Variants in SHTN1 observed in about 807,000 individuals in gnomAD.
SHTN1 encodes shootin 1.
SHTN1 carries 42 observed loss-of-function variants against 83.1 expected under a neutral mutation model. The ratio of observed to expected loss-of-function variants is 0.51; its 90% CI spans 0.39 to 0.65. SHTN1 has a LOEUF of 0.65. SHTN1 is among the 30% of genes least tolerant of loss of function. SHTN1 has a pLI of 0.00. For missense variants in SHTN1, 622 were observed against 737.8 expected (o/e 0.84, Z 1.82); for synonymous variants, 224 against 247.7 (o/e 0.90, Z 0.90).
At chr10:116,921,801 T>C (rs1848577216) in intron 11 of SHTN1, among the ~76,000 whole-genome samples, 1 of 152,058 alleles carries the variant, frequency 6.6e-6, no homozygotes, top group Non-Finnish European at 1.5e-5. Context: ...TCAATACTCA[T>C]ATATATAAAA....
chr10:117,033,201 T>C (rs1589904263), intron 2 of SHTN1, among the ~76,000 whole-genome samples: 1 of 151,446 alleles, frequency 6.6e-6, no homozygotes, highest in East Asian at 1.9e-4. Context: ...TGAGCAGACA[T>C]AAATGGAATT....
At chr10:116,937,309 C>T (rs1200231844) in intron 9 of SHTN1, among the ~76,000 whole-genome samples, 2 of 152,134 alleles carry the variant, frequency 1.3e-5, no homozygotes, top group East Asian at 3.9e-4. Context: ...CCAGTCTTTC[C>T]TTTCCATGTT....
intron 1 of SHTN1, among the ~76,000 whole-genome samples, chr10:117,066,439 A>G (rs1348181461): frequency 6.6e-6 from 1 of 152,238 alleles, no homozygotes; most frequent in Non-Finnish European, 1.5e-5. Context: ...AAATTGGGAC[A>G]TGGTGATAAC....
At chr10:117,081,790 C>T in intron 1 of SHTN1, among the ~76,000 whole-genome samples, 1 of 149,830 alleles carries the variant, frequency 6.7e-6, no homozygotes, top group Non-Finnish European at 1.5e-5. Context: ...AGGAATTTAT[C>T]CATTTCTTCT....
chr10:117,073,091 T>C (rs925131100), intron 1 of SHTN1, among the ~76,000 whole-genome samples: 6 of 152,112 alleles, frequency 3.9e-5, no homozygotes, highest in South Asian at 2.1e-4. Context: ...AGCAATAGAA[T>C]TGAACAAGTA....
chr10:116,946,865 G>A (rs887273062), intron 7 of SHTN1, among the ~76,000 whole-genome samples: 4 of 151,582 alleles, frequency 2.6e-5, no homozygotes, highest in Non-Finnish European at 5.9e-5. Context: ...TTACAGGCAG[G>A]TGCGTGCCAC....
At chr10:117,119,099 T>C (rs530211448) in intron 1 of SHTN1, among the ~76,000 whole-genome samples, 3 of 152,222 alleles carry the variant, frequency 2.0e-5, no homozygotes, top group Non-Finnish European at 4.4e-5. Flanking sequence ...AAATATCACA[T>C]GTTCTCATTC....
At chr10:117,087,060 A>G (rs1426170814) in intron 1 of SHTN1, among the ~76,000 whole-genome samples, 1 of 152,370 alleles carries the variant, frequency 6.6e-6, no homozygotes, top group East Asian at 1.9e-4. Flanking sequence ...GCAAATTTAT[A>G]GAGATATGAA....
intron 16 of SHTN1, among the ~76,000 whole-genome samples, chr10:116,891,196 G>A (rs559180973): frequency 6.6e-6 from 1 of 152,332 alleles, no homozygotes; most frequent in South Asian, 2.1e-4. Context: ...CTTTTAAGCG[G>A]TGAGAGTTAT....
intron 4 of SHTN1, among the ~76,000 whole-genome samples, chr10:116,958,254 CATAT>C (rs780555723): frequency 6.6e-6 from 1 of 152,110 alleles, no homozygotes; most frequent in Non-Finnish European, 1.5e-5. Context: ...TGAAGTCACA[CATAT>C]AATGAAGTTT....
intron 16 of SHTN1, among the ~76,000 whole-genome samples, chr10:116,894,192 T>C (rs1184957703): frequency 1.3e-5 from 2 of 152,176 alleles, no homozygotes; most frequent in African/African-American, 4.8e-5. Context: ...CCAAACAAGA[T>C]GAACTCTTAC....
rs780985147 is a variant in SHTN1, at chr10:116,951,992, T to G, written c.451A>C (p.Ile151Leu). 2.0e-6 allele frequency: 3 copies of G among 1,523,836 alleles called. No individual in the cohort carries two copies. Among genetic ancestry groups the G allele is most frequent in the Non-Finnish European group, 1.8e-6 (2 of 1,131,866 alleles). The allele number at this position is 1,523,836 out of a possible 1,614,324, so 94.4% of individuals were successfully genotyped here. A position where few individuals can be genotyped will look rare whatever the true frequency, so the allele number is the denominator to read the frequency against. ...QKQIKELRDQ[I>L]VSVQEEKKIL... ...TTCTTTTCCTCCTGAACAGATACAA[T>G]TTGATCTCGAAGTTCTGCATTTTTA... Residue 151 changes from isoleucine to leucine, a missense_variant, in exon 6 of 17, where the codon ATT becomes CTT. By Grantham distance (5) the Ile-to-Leu change is conservative. This residue lies in a region of SHTN1 where 383 missense variants were observed against 455.8 expected (regional missense o/e 0.84). Coordinates refer to ENST00000355371, the MANE Select transcript of SHTN1 (RefSeq NM_001127211.3).
chr10:117,123,893 A>G lies in SHTN1; in HGVS notation c.-189+2414T>C, dbSNP rs1252109775. On this transcript the variant is annotated intron_variant, in intron 1 of 17. Coordinates refer to the SHTN1 transcript ENST00000392901. ...TGCACTCTAGCCTGGGTGACAGAAC[A>G]AGACCCTGTCTCACAAAAAAAAAAA... 1.0e-4 allele frequency among the ~76,000 whole-genome samples: 13 copies of G among 124,982 alleles called. No homozygotes were observed. In the Admixed American group the frequency reaches 1.2e-3, roughly 11 times the overall value. The allele number at this position is 124,982 out of a possible 152,430, so 82.0% of individuals were successfully genotyped here.
chr10:117,003,889 T>C (rs1253944074), intron 1 of SHTN1, among the ~76,000 whole-genome samples: 1 of 152,120 alleles, frequency 6.6e-6, no homozygotes, highest in Non-Finnish European at 1.5e-5. Flanking sequence ...TTCTTTATTA[T>C]TTATTATTAT....
chr10:116,970,791 C>A (rs944372220), intron 2 of SHTN1, among the ~76,000 whole-genome samples: 8 of 150,278 alleles, frequency 5.3e-5, no homozygotes, highest in Non-Finnish European at 8.8e-5. Flanking sequence ...ATCTTACATA[C>A]ACAAATGCAT....
intron 1 of SHTN1, chr10:117,126,241 A>T (rs1854005586): frequency 6.5e-6 from 1 of 153,992 alleles, no homozygotes; most frequent in Admixed American, 6.4e-5. Context: ...GCAAGAGAGC[A>T]CGGGAGCCGG....
intron 3 of SHTN1, among the ~76,000 whole-genome samples, chr10:116,967,588 A>T (rs759783882): frequency 6.6e-6 from 1 of 152,048 alleles, no homozygotes; most frequent in African/African-American, 2.4e-5. Context: ...TGCCCTCTTT[A>T]TTTACTTATT....
intron 1 of SHTN1, among the ~76,000 whole-genome samples, chr10:117,064,518 G>A (rs1328095788): frequency 6.6e-6 from 1 of 152,106 alleles, no homozygotes; most frequent in African/African-American, 2.4e-5. Context: ...AGCTGGGTGT[G>A]GTGGTGGGCG....
chr10:116,911,395 A>G (rs1328157563), intron 14 of SHTN1: 1 of 1,446,796 alleles, frequency 6.9e-7, no homozygotes, highest in Non-Finnish European at 9.2e-7. Context: ...GGAGGAATTT[A>G]GCTTCACATT....
Sources: gnomAD v4.1 joint callset for allele counts (sites outside exome capture counted in the v4.1 genomes callset) on GRCh38, gnomAD v4.1.1 for gene constraint, gnomAD v4.1.1 regional missense constraint, MANE v1.5 for transcripts, NCBI Gene and HGNC (gene_info 2026-07-23, HGNC 2026-07-21) for gene names.